The following UNC45B variants were observed in gnomAD, a reference collection of about 807,000 sequenced individuals.
The protein encoded by UNC45B is unc-45 myosin chaperone B, also known as protein unc-45 homolog B.
Under a neutral mutation model 98.7 loss-of-function variants are expected in UNC45B, and 78 were observed. The observed-to-expected ratio is 0.79, with a 90% confidence interval of 0.66 to 0.95. The LOEUF is 0.95. UNC45B is among the 40% of genes least tolerant of loss of function. The pLI, the probability that UNC45B is intolerant of heterozygous loss-of-function variation, is 0.00. For synonymous variants in UNC45B, 462 were observed against 480.4 expected (o/e 0.96, Z 0.50); for missense variants, 1,225 against 1,184.9 (o/e 1.03, Z -0.50).
At chr17:35,164,600 T>A (rs1236792038) in intron 9 of UNC45B, 1 of 153,630 alleles carries the variant, frequency 6.5e-6, no homozygotes, top group Non-Finnish European at 1.4e-5. Context: ...AAGACACATG[T>A]CATCACTTCC....
At chr17:35,182,867 A>AGG (rs1307840708) in intron 18 of UNC45B, among the ~76,000 whole-genome samples, 1 of 151,846 alleles carries the variant, frequency 6.6e-6, no homozygotes, top group Non-Finnish European at 1.5e-5. Context: ...AGATGCTGTG[A>AGG]GGGGTTAATA....
At chr17:35,153,226 T>A (rs1406412897) in intron 5 of UNC45B, among the ~76,000 whole-genome samples, 1 of 152,180 alleles carries the variant, frequency 6.6e-6, no homozygotes, top group Non-Finnish European at 1.5e-5. Flanking sequence ...TGATGTTTTG[T>A]TCATCATGGA....
chr17:35,168,351 G>T lies in UNC45B; in HGVS notation c.1442G>T (p.Arg481Leu). Residue 481 changes from arginine to leucine, a missense_variant, in exon 10 of 20, where the codon CGC becomes CTC. Coordinates refer to ENST00000394570, the MANE Select transcript of UNC45B (RefSeq NM_001267052.2). Reference sequence around the variant, plus strand: ...ACCAAAAATGAGAAGATCAAGATCCGCACACTGGTGGTGAGTGGGCTCGGT... The same window carrying T: ...ACCAAAAATGAGAAGATCAAGATCCTCACACTGGTGGTGAGTGGGCTCGGT... ...KTTKNEKIKI[R>L]TLVGLCKLGS... 1.5e-6 allele frequency: 2 copies of T among 1,357,874 alleles called. No homozygotes were observed. The highest frequency in any genetic ancestry group is 2.0e-4 in the Middle Eastern group (1 of 5,048). 84.1% of individuals were successfully genotyped at this position (1,357,874 alleles called of 1,614,324 possible). A position where few individuals can be genotyped will look rare whatever the true frequency, so the allele number is the denominator to read the frequency against.
chr17:35,177,384 G>C, intron 16 of UNC45B, 111 bp from the exon 17 acceptor site: 1 of 768,776 alleles, frequency 1.3e-6, no homozygotes, highest in Non-Finnish European at 2.1e-6. Flanking sequence ...GATGAAATCA[G>C]ACAATGTATG....
intron 12 of UNC45B, among the ~76,000 whole-genome samples, chr17:35,170,462 T>C (rs1276174073): frequency 1.4e-5 from 2 of 143,028 alleles, no homozygotes; most frequent in African/African-American, 5.3e-5. Flanking sequence ...GATGGGAAGA[T>C]GCACAGGAGG....
Position 35,180,665 on chromosome 17 carries a change from C to A in UNC45B, c.2362C>A (p.Leu788Ile). 2 of 1,613,098 alleles carry A rather than the reference C, an allele frequency of 1.2e-6. No individual in the cohort carries two copies. Among genetic ancestry groups the A allele is most frequent in the Non-Finnish European group, 1.7e-6 (2 of 1,179,616 alleles). The stretch of plus-strand genomic sequence containing the variant: ...CACCGAGTGCATGTGCAACATGGTG[C>A]TCCACAAGGAGGTGAGGCAGGGGCT... ...AATECMCNMV[L>I]HKEVQERFLA... The change falls in exon 18 of 20, where the codon CTC (leucine) becomes ATC (isoleucine). Residue 788 changes from leucine (L) to isoleucine (I), a missense_variant. Transcript: ENST00000394570.
intron 12 of UNC45B, 139 bp from the exon 13 acceptor site, chr17:35,171,183 G>T (rs1347423575): frequency 9.2e-7 from 1 of 1,088,750 alleles, no homozygotes; most frequent in Non-Finnish European, 1.3e-6. Flanking sequence ...CTGCGCTGCT[G>T]TCTTTCCTCA....
chr17:35,156,862 GT>G (rs1193594371), intron 7 of UNC45B, among the ~76,000 whole-genome samples: 1 of 151,778 alleles, frequency 6.6e-6, no homozygotes, highest in African/African-American at 2.4e-5. Context: ...ATAGTTATAT[GT>G]TTTTTTCTGC....
chr17:35,185,180 TC>T (rs2092296310), intron 19 of UNC45B, among the ~76,000 whole-genome samples: 2 of 152,004 alleles, frequency 1.3e-5, no homozygotes, highest in Non-Finnish European at 2.9e-5. Flanking sequence ...TGCCTTTTCT[TC>T]CCCCCGTGTC....
rs765240981 is a variant in UNC45B at position 35,159,352 on chromosome 17, T to C, written c.809-23T>C. 11 of 1,604,800 alleles carry C rather than the reference T, an allele frequency of 6.9e-6. No individual in the cohort carries two copies. The Admixed American group carries it at 8.4e-5, about 12-fold the overall frequency. On this transcript the variant is annotated intron_variant, in intron 7 of 19. Transcript: ENST00000394570. The stretch of plus-strand genomic sequence containing the variant: ...GTGAGATTTCCTACCCCTCTCTACT[T>C]ACCCCGTCCTCTTTTTCTTCAGACA...
chr17:35,158,379 T>G (rs993328249), intron 7 of UNC45B, among the ~76,000 whole-genome samples: 20 of 152,286 alleles, frequency 1.3e-4, no homozygotes, highest in Admixed American at 1.0e-3. Context: ...CTATAGAACA[T>G]GGTGGCTGGA....
At chr17:35,165,652 A>T (rs2092133696) in intron 9 of UNC45B, among the ~76,000 whole-genome samples, 1 of 152,152 alleles carries the variant, frequency 6.6e-6, no homozygotes, top group Non-Finnish European at 1.5e-5. Context: ...AAATGCAAAA[A>T]GCTGGCTGGG....
chr17:35,150,410 T>C (rs898453350), intron 4 of UNC45B, among the ~76,000 whole-genome samples, 187 bp downstream of exon 4: 16 of 152,150 alleles, frequency 1.1e-4, no homozygotes, highest in Non-Finnish European at 2.4e-4. Context: ...CTGTGATGCT[T>C]GTTTGAGGGC....
Position 35,175,958 on chromosome 17 carries a change from G to A in UNC45B, c.1959-10G>A, listed in dbSNP as rs773995015. 16 of 1,612,998 alleles carry A rather than the reference G, an allele frequency of 9.9e-6. No individual in the cohort carries two copies. The highest frequency in any genetic ancestry group is 8.0e-5 in the African/African-American group (6 of 74,828). On this transcript the variant is annotated splice_polypyrimidine_tract_variant and intron_variant, in intron 14 of 19. Transcript: ENST00000394570. ...GTATTAACTGTTCTCCTTTCTTCTC[G>A]GTCCCACAGGGTATTCCTGGCACTG...
At chr17:35,162,014 C>A (rs1226544319) in intron 8 of UNC45B, among the ~76,000 whole-genome samples, 3 of 152,224 alleles carry the variant, frequency 2.0e-5, no homozygotes, top group Non-Finnish European at 2.9e-5. Flanking sequence ...AAGTGCCACG[C>A]CCCTTGCCAA....
chr17:35,173,288 G>T (rs1356986746), intron 13 of UNC45B, among the ~76,000 whole-genome samples: 1 of 152,056 alleles, frequency 6.6e-6, no homozygotes, highest in Non-Finnish European at 1.5e-5. Context: ...ACCATGCCCA[G>T]CTAATTTTTG....
chr17:35,171,356 C>T lies in UNC45B; in HGVS notation c.1724C>T (p.Thr575Ile), dbSNP rs1200898879. The T allele has an allele frequency of 1.1e-5, 18 of 1,614,110 alleles. No homozygotes were observed. Among genetic ancestry groups the T allele is most frequent in the Non-Finnish European group, 1.5e-5 (18 of 1,180,044 alleles). ...SDKTILYSVA[T>I]TLVNCTNSYD... ...AAGACCATCCTGTACTCGGTGGCCACCACCCTGGTGAACTGCACCAACAGC... is the reference window on the plus strand; with the variant it reads ...AAGACCATCCTGTACTCGGTGGCCATCACCCTGGTGAACTGCACCAACAGC... The change falls in exon 13 of 20, where the codon ACC (threonine) becomes ATC (isoleucine). Residue 575 changes from threonine (T) to isoleucine (I), a missense_variant. By Grantham distance (89) the Thr-to-Ile change is moderately conservative. Transcript: ENST00000394570.
chr17:35,185,548 C>T (rs1027662791), intron 19 of UNC45B, among the ~76,000 whole-genome samples: 1 of 151,996 alleles, frequency 6.6e-6, no homozygotes, highest in Non-Finnish European at 1.5e-5. Flanking sequence ...CCTCATGCTC[C>T]GCCTGCCTCG....
chr17:35,171,024 C>T (rs1458729130), intron 12 of UNC45B, among the ~76,000 whole-genome samples: 1 of 152,134 alleles, frequency 6.6e-6, no homozygotes, highest in Non-Finnish European at 1.5e-5. Context: ...ACCCCATCTC[C>T]AGTTGGATGG....
Sources: gnomAD v4.1 joint callset for allele counts (sites outside exome capture counted in the v4.1 genomes callset) on GRCh38, gnomAD v4.1.1 for gene constraint, MANE v1.5 for transcripts, NCBI Gene and HGNC (gene_info 2026-07-23, HGNC 2026-07-21) for gene names.